SMARCD3: variants seen among roughly 807,000 people sequenced by gnomAD.
SMARCD3 encodes the protein SWI/SNF-related matrix-associated actin-dependent regulator of chromatin subfamily D member 3.
Under a neutral mutation model 58.0 loss-of-function variants are expected in SMARCD3, and 14 were observed. The ratio of observed to expected loss-of-function variants is 0.24; its 90% CI spans 0.16 to 0.38. The LOEUF (loss-of-function observed/expected upper bound fraction) is 0.38, where lower values mean the gene tolerates loss of function less well. Among genes scored for constraint, SMARCD3 ranks in the 10% least tolerant of loss-of-function variants. The pLI, the probability that SMARCD3 is intolerant of heterozygous loss-of-function variation, is 1.00. For missense variants in SMARCD3, 408 were observed against 636.9 expected (o/e 0.64, Z 3.87); for synonymous variants, 253 against 253.8 (o/e 1.00, Z 0.03).
At chr7:151,260,758 A>G (rs1803891413) in intron 2 of SMARCD3, among the ~76,000 whole-genome samples, 1 of 152,184 alleles carries the variant, frequency 6.6e-6, no homozygotes, top group Non-Finnish European at 1.5e-5. Flanking sequence ...GGTTTGGAGA[A>G]CTTGGAGGAT....
intron 2 of SMARCD3, among the ~76,000 whole-genome samples, chr7:151,258,575 A>AAAAAAG (rs1311252633): frequency 1.3e-5 from 2 of 151,042 alleles, no homozygotes; most frequent in Non-Finnish European, 3.0e-5. Flanking sequence ...AAAAAAAAAA[A>AAAAAAG]AAAAAGAAAA....
At chr7:151,263,825 T>C (rs1489386942) in intron 2 of SMARCD3, among the ~76,000 whole-genome samples, 1 of 152,194 alleles carries the variant, frequency 6.6e-6, no homozygotes, top group African/African-American at 2.4e-5. Context: ...ATGAGGACCA[T>C]AGTACATCCT....
chr7:151,242,326 T>C lies in SMARCD3; in HGVS notation c.580-94A>G, dbSNP rs1200218230. The C allele has an allele frequency of 3.6e-6, 5 of 1,403,500 alleles. No homozygotes were observed. Among genetic ancestry groups the C allele is most frequent in the Non-Finnish European group, 5.0e-6 (5 of 992,890 alleles). The allele number at this position is 1,403,500 out of a possible 1,614,324, so 86.9% of individuals were successfully genotyped here. The stretch of plus-strand genomic sequence containing the variant: ...GTTGGCAGCCGACAGGGCAGTGGGC[T>C]TAGATGAAATCCTCTGCACTTGGAA... On this transcript the variant is annotated intron_variant, in intron 5 of 12. Coordinates refer to ENST00000262188, the MANE Select transcript of SMARCD3 (RefSeq NM_001003801.2). The surrounding 1 kb of genome is among the most constrained non-coding windows in gnomAD (Gnocchi z 4.7).
chr7:151,272,852 G>T (rs969449171), intron 2 of SMARCD3, among the ~76,000 whole-genome samples: 2 of 152,128 alleles, frequency 1.3e-5, no homozygotes, highest in Non-Finnish European at 2.9e-5. Flanking sequence ...CCTCAGCTTG[G>T]CCCCTCTGGT....
upstream of SMARCD3, chr7:151,277,114 C>T (rs1390032017): frequency 6.6e-6 from 1 of 150,472 alleles, no homozygotes; most frequent in African/African-American, 2.4e-5. Context: ...CGCGGCCGCC[C>T]GCTCCCTGCT....
At chr7:151,252,325 A>G (rs1274723005), upstream of SMARCD3, among the ~76,000 whole-genome samples, 1 of 152,100 alleles carries the variant, frequency 6.6e-6, no homozygotes, top group African/African-American at 2.4e-5. Context: ...ATTGCTTGGG[A>G]GAGAGCTCTT....
At chr7:151,251,445 G>A (rs144281994), upstream of SMARCD3, among the ~76,000 whole-genome samples, 3 of 152,324 alleles carry the variant, frequency 2.0e-5, no homozygotes, top group East Asian at 5.8e-4. Flanking sequence ...GGCAGGCCCA[G>A]ACACATTTGC....
chr7:151,245,562 GC>G lies in SMARCD3; in HGVS notation c.187del (p.Ala63ArgfsTer85). 1 of 1,180,600 alleles carries G rather than the reference GC, an allele frequency of 8.5e-7. No homozygotes were observed. The highest frequency in any genetic ancestry group is 1.1e-6 in the Non-Finnish European group (1 of 942,668). 73.1% of individuals were successfully genotyped at this position (1,180,600 alleles called of 1,614,324 possible). A position where few individuals can be genotyped will look rare whatever the true frequency, so the allele number is the denominator to read the frequency against. The stretch of plus-strand genomic sequence containing the variant: ...TCGCTTGCGGGCGGGCTCCATGCCC[GC>G]GGGGGCCAGGCCGGGTCGCACGGCG... ...SPAVRPGLAP[A>X]GMEPARKRAA... On this transcript the variant is annotated frameshift_variant, in exon 2 of 13. Coordinates refer to ENST00000262188, the MANE Select transcript of SMARCD3 (RefSeq NM_001003801.2). LOFTEE classifies it high-confidence loss of function. The surrounding 1 kb of genome is among the most constrained non-coding windows in gnomAD (Gnocchi z 6.2).
Position 151,259,601 on chromosome 7 carries a change from GTTTTTT to G in SMARCD3, c.40-13936_40-13931del, listed in dbSNP as rs112223142. Among the ~76,000 whole-genome samples, 11 of 70,530 alleles carry G rather than the reference GTTTTTT, an allele frequency of 1.6e-4. 1 individual carries two copies. The highest frequency in any genetic ancestry group is 4.7e-4 in the African/African-American group (8 of 17,160). 46.3% of individuals were successfully genotyped at this position (70,530 alleles called of 152,430 possible). ...TGCCAGCTGAGGTTACAACCTGAGA[GTTTTTT>G]TTTTTTTTTTTTTTTTTTTGAGACG... On this transcript the variant is annotated intron_variant, in intron 2 of 13. Coordinates refer to the SMARCD3 transcript ENST00000356800.
Position 151,242,578 on chromosome 7 carries a change from A to G in SMARCD3, c.482T>C (p.Ile161Thr), listed in dbSNP as rs1803050270. 2 of 1,613,548 alleles carry G rather than the reference A, an allele frequency of 1.2e-6. No individual in the cohort carries two copies. The highest frequency in any genetic ancestry group is 1.7e-6 in the Non-Finnish European group (2 of 1,179,578). The change falls in exon 5 of 13, where the codon ATC becomes ACC. Residue 161 changes from isoleucine (I) to threonine (T), a missense_variant. Ile to Thr is a moderately conservative substitution (Grantham distance 89). Transcript: ENST00000262188. The surrounding 1 kb of genome is among the most constrained non-coding windows in gnomAD (Gnocchi z 4.7). The part of the protein sequence containing the change: ...MKQKRKLRLY[I>T]SNTFNPAKPD... The stretch of plus-strand genomic sequence containing the variant: ...CTTCGCAGGGTTAAAAGTGTTGGAG[A>G]TATAGAGTCGCAGCTTCCGCTTTTG...
chr7:151,259,732 C>T (rs1452497352), intron 2 of SMARCD3, among the ~76,000 whole-genome samples: 1 of 151,028 alleles, frequency 6.6e-6, no homozygotes, highest in Non-Finnish European at 1.5e-5. Flanking sequence ...GCCTCAGCCT[C>T]CCAAGTAGCT....
chr7:151,265,866 G>A (rs1804063199), intron 2 of SMARCD3, among the ~76,000 whole-genome samples: 1 of 152,222 alleles, frequency 6.6e-6, no homozygotes. Context: ...ACAGAGTACT[G>A]AGTAAAGTCA....
In SMARCD3 at chr7:151,239,188, C is replaced by A; in HGVS notation, c.1399-32G>T. On this transcript the variant is annotated intron_variant, in intron 12 of 12. Transcript: ENST00000262188. This position sits in a 1 kb window ranked among gnomAD's most constrained non-coding sequence, Gnocchi z 7.0. ...AGGAAGTGAGAACAGGAGCAGGTGTCAGTGTTCTGGTGAGTGATCAGGACA... is the reference window on the plus strand; with the variant it reads ...AGGAAGTGAGAACAGGAGCAGGTGTAAGTGTTCTGGTGAGTGATCAGGACA... 6.2e-7 allele frequency: 1 copy of A among 1,610,740 alleles called. No individual in the cohort carries two copies. Among genetic ancestry groups the A allele is most frequent in the South Asian group, 1.1e-5 (1 of 90,982 alleles).
At chr7:151,261,651 C>G (rs930104658) in intron 2 of SMARCD3, among the ~76,000 whole-genome samples, 1 of 152,222 alleles carries the variant, frequency 6.6e-6, no homozygotes, top group Non-Finnish European at 1.5e-5. Flanking sequence ...TGTCTCACAG[C>G]CTGGATTCCC....
rs74713138 is a variant in SMARCD3, at chr7:151,263,555, C to A, written c.39+11559G>T. On this transcript the variant is annotated intron_variant, in intron 2 of 13. Transcript: ENST00000356800. The stretch of plus-strand genomic sequence containing the variant: ...AAGCCATCCAATTCCCTCAGCCCAG[C>A]TCCAGGGTCTGGCCATTTTCCATGC... Among the ~76,000 whole-genome samples, 15 of 152,338 alleles carry A rather than the reference C, an allele frequency of 9.8e-5. No homozygotes were observed. The East Asian group carries it at 2.9e-3, about 29-fold the overall frequency.
chr7:151,245,594 G>T lies in SMARCD3; in HGVS notation c.156C>A (p.Gly52=). 1 of 1,162,314 alleles carries T rather than the reference G, an allele frequency of 8.6e-7. No homozygotes were observed. Among genetic ancestry groups the T allele is most frequent in the Non-Finnish European group, 1.1e-6 (1 of 925,300 alleles). The allele number at this position is 1,162,314 out of a possible 1,614,324, so 72.0% of individuals were successfully genotyped here. A position where few individuals can be genotyped will look rare whatever the true frequency, so the allele number is the denominator to read the frequency against. ...CCAGGCCGGGTCGCACGGCGGGGCT[G>T]CCCATGTACGGGGAGCCCGGGGGGC... ...PMGPPGSPYM[G]SPAVRPGLAP... is the part of the protein sequence containing the mutation. The change falls in exon 2 of 13, where the codon GGC becomes GGA. Residue 52 remains glycine (G), a synonymous_variant. Transcript: ENST00000262188. This position sits in a 1 kb window ranked among gnomAD's most constrained non-coding sequence, Gnocchi z 6.2.
At position 151,243,825 on chromosome 7, in the gene SMARCD3, T is replaced by C; in HGVS notation, c.291-124A>G. On this transcript the variant is annotated intron_variant, in intron 2 of 12. Coordinates refer to ENST00000262188, the MANE Select transcript of SMARCD3 (RefSeq NM_001003801.2). The surrounding 1 kb of genome is among the most constrained non-coding windows in gnomAD (Gnocchi z 4.4). Reference sequence around the variant, plus strand: ...CTGGGGTTCCCACAGCCCACTTGTCTGCCCGCCCAAGGGCTGTGACGGTGG... The same window carrying C: ...CTGGGGTTCCCACAGCCCACTTGTCCGCCCGCCCAAGGGCTGTGACGGTGG... The C allele has an allele frequency of 1.3e-6, 1 of 774,066 alleles. No individual in the cohort carries two copies. The highest frequency in any genetic ancestry group is 1.4e-5 in the South Asian group (1 of 70,958). The allele number at this position is 774,066 out of a possible 1,614,324, so 47.9% of individuals were successfully genotyped here.
intron 2 of SMARCD3, among the ~76,000 whole-genome samples, chr7:151,266,773 G>A (rs11973331): frequency 0.099 from 15,057 of 152,180 alleles, 847 homozygotes; most frequent in African/African-American, 0.12. Flanking sequence ...GTACAGTGGT[G>A]TGATCATGGC....
At chr7:151,253,960 G>A (rs1042031698) in intron 2 of SMARCD3, among the ~76,000 whole-genome samples, 29 of 151,784 alleles carry the variant, frequency 1.9e-4, no homozygotes, top group African/African-American at 6.8e-4. Context: ...CTCTCCCTCC[G>A]GATCAACACC....
Sources: gnomAD v4.1 joint callset for allele counts (sites outside exome capture counted in the v4.1 genomes callset) on GRCh38, gnomAD v4.1.1 for gene constraint, Gnocchi (gnomAD v3.1) non-coding constraint, MANE v1.5 for transcripts, NCBI Gene and HGNC (gene_info 2026-07-23, HGNC 2026-07-21) for gene names.